Variants in RNF220 observed in about 807,000 individuals in gnomAD.
The protein encoded by RNF220 is E3 ubiquitin-protein ligase RNF220.
In RNF220, 7 loss-of-function variants were observed where a neutral mutation model predicts 67.1. That is an observed-to-expected ratio of 0.10 (90% CI 0.06 to 0.20). The LOEUF is 0.20. Among genes scored for constraint, RNF220 ranks in the 10% least tolerant of loss-of-function variants. The pLI is 1.00. For missense variants in RNF220, 565 were observed against 740.3 expected (o/e 0.76, Z 2.75); for synonymous variants, 270 against 283.2 (o/e 0.95, Z 0.47).
chr1:44,405,516 G>A lies in RNF220; in HGVS notation c.-132G>A, dbSNP rs1647250209. ...TGAAAAGTGCGACCGTTCTCCCAAGGAATTTCCACGGCAAGTATGGAGATC... is the reference window on the plus strand; with the variant it reads ...TGAAAAGTGCGACCGTTCTCCCAAGAAATTTCCACGGCAAGTATGGAGATC... On this transcript the variant is annotated 5_prime_UTR_variant, in exon 1 of 15. Transcript: ENST00000361799. The A allele has an allele frequency of 2.2e-6, 1 of 454,066 alleles. No individual in the cohort carries two copies. 28.1% of individuals were successfully genotyped at this position (454,066 alleles called of 1,614,324 possible). A position where few individuals can be genotyped will look rare whatever the true frequency, so the allele number is the denominator to read the frequency against.
chr1:44,537,017 A>C (rs1558021967), intron 2 of RNF220, among the ~76,000 whole-genome samples: 1 of 128,256 alleles, frequency 7.8e-6, no homozygotes, highest in East Asian at 2.5e-4. Context: ...ATTAGTATGC[A>C]AATTAGGCCC....
chr1:44,593,146 C>T (rs1464172410), intron 2 of RNF220, among the ~76,000 whole-genome samples: 1 of 152,216 alleles, frequency 6.6e-6, no homozygotes, highest in Admixed American at 6.5e-5. Context: ...TGAGCCAGCC[C>T]ACAGGGACCC....
At chr1:44,605,030 G>C (rs192155059) in intron 2 of RNF220, among the ~76,000 whole-genome samples, 1 of 152,142 alleles carries the variant, frequency 6.6e-6, no homozygotes, top group Non-Finnish European at 1.5e-5. Context: ...GGCCGGGCGC[G>C]GTGGCTCATG....
At chr1:44,495,248 G>T (rs1490955290) in intron 2 of RNF220, among the ~76,000 whole-genome samples, 1 of 125,700 alleles carries the variant, frequency 8.0e-6, no homozygotes, top group African/African-American at 3.0e-5. Context: ...AGAAACAAAA[G>T]ATACAAAAAA....
chr1:44,447,440 T>A (rs1652221412), intron 2 of RNF220, among the ~76,000 whole-genome samples: 1 of 152,228 alleles, frequency 6.6e-6, no homozygotes, highest in East Asian at 1.9e-4. Context: ...TACAGCCCTA[T>A]TTTAAGTCAC....
intron 1 of RNF220, among the ~76,000 whole-genome samples, chr1:44,408,063 C>T (rs948035042): frequency 6.6e-6 from 1 of 152,226 alleles, no homozygotes; most frequent in African/African-American, 2.4e-5. Context: ...CAAAGGCAAC[C>T]GAGAGCCGGA....
At chr1:44,533,966 G>A (rs1661018364) in intron 2 of RNF220, among the ~76,000 whole-genome samples, 1 of 152,218 alleles carries the variant, frequency 6.6e-6, no homozygotes, top group African/African-American at 2.4e-5. Flanking sequence ...AAGATCAGCT[G>A]AAGAGTCTGA....
At chr1:44,582,086 T>C (rs559808455) in intron 2 of RNF220, among the ~76,000 whole-genome samples, 1 of 152,262 alleles carries the variant, frequency 6.6e-6, no homozygotes, top group East Asian at 1.9e-4. Context: ...GTTTGTTTGA[T>C]GGGAGTCACC....
chr1:44,529,630 C>A (rs1193738010), intron 2 of RNF220, among the ~76,000 whole-genome samples: 1 of 152,162 alleles, frequency 6.6e-6, no homozygotes, highest in Non-Finnish European at 1.5e-5. Flanking sequence ...CCTGCCTGGG[C>A]CTCCCAAAGT....
intron 2 of RNF220, among the ~76,000 whole-genome samples, chr1:44,437,679 G>A (rs1651118587): frequency 1.3e-5 from 2 of 152,204 alleles, no homozygotes; most frequent in African/African-American, 4.8e-5. Context: ...TTCTCTAAGG[G>A]TTAAGAAAAA....
intron 2 of RNF220, among the ~76,000 whole-genome samples, chr1:44,464,596 G>A (rs1654099398): frequency 6.6e-6 from 1 of 152,142 alleles, no homozygotes; most frequent in African/African-American, 2.4e-5. Context: ...GGGAGGCAGA[G>A]GAATGAAGGG....
At chr1:44,559,319 G>A (rs1572880868) in intron 2 of RNF220, among the ~76,000 whole-genome samples, 3 of 152,324 alleles carry the variant, frequency 2.0e-5, no homozygotes. Flanking sequence ...GCCCTAGCAG[G>A]GCAGGTGCTG....
chr1:44,576,558 GGCTGTGACTGAAGCTCCCCAGCCCA>G (rs553184441), intron 2 of RNF220, among the ~76,000 whole-genome samples: 81 of 152,210 alleles, frequency 5.3e-4, no homozygotes, highest in African/African-American at 1.9e-3. Flanking sequence ...CCAGTGGCTG[GGCTGTGACTGAAGCTCCCCAGCCCA>G]GCCAGGACAG....
chr1:44,499,618 C>T (rs897898731), intron 2 of RNF220, among the ~76,000 whole-genome samples: 3 of 152,108 alleles, frequency 2.0e-5, no homozygotes, highest in Admixed American at 6.5e-5. Context: ...TCAGATTTCC[C>T]TTCTCCTTTA....
chr1:44,570,559 A>C (rs1664365022), intron 2 of RNF220, among the ~76,000 whole-genome samples: 1 of 152,080 alleles, frequency 6.6e-6, no homozygotes, highest in Non-Finnish European at 1.5e-5. Context: ...GCTAAAGCCG[A>C]AGTCTCCTCC....
At chr1:44,533,121 A>C (rs1660950782) in intron 2 of RNF220, among the ~76,000 whole-genome samples, 1 of 152,252 alleles carries the variant, frequency 6.6e-6, no homozygotes, top group Admixed American at 6.5e-5. Context: ...AGAACTGCCC[A>C]GCTTTGAGTC....
chr1:44,648,126 C>T (rs1025637083), intron 12 of RNF220, among the ~76,000 whole-genome samples: 1 of 152,248 alleles, frequency 6.6e-6, no homozygotes, highest in Non-Finnish European at 1.5e-5. Flanking sequence ...GCCCCACCTC[C>T]TCCTGGGTGT....
intron 6 of RNF220, chr1:44,632,644 A>C (rs1644196550): frequency 1.7e-6 from 1 of 579,238 alleles, no homozygotes; most frequent in South Asian, 2.1e-5. Context: ...TAAGTGCCGG[A>C]GAATGAGGAA....
At chr1:44,639,992 G>A (rs1163696669) in intron 8 of RNF220, among the ~76,000 whole-genome samples, 2 of 152,180 alleles carry the variant, frequency 1.3e-5, no homozygotes, top group African/African-American at 4.8e-5. Context: ...GTTTCACCAT[G>A]TTGGCCAGGC....
Sources: gnomAD v4.1 joint callset for allele counts (sites outside exome capture counted in the v4.1 genomes callset) on GRCh38, gnomAD v4.1.1 for gene constraint, MANE v1.5 for transcripts, NCBI Gene and HGNC (gene_info 2026-07-23, HGNC 2026-07-21) for gene names.